Variants in CHIC2 observed in about 807,000 individuals in gnomAD.
CHIC2 encodes cysteine-rich hydrophobic domain-containing protein 2.
CHIC2 carries 14 observed loss-of-function variants against 25.9 expected under a neutral mutation model. The ratio of observed to expected loss-of-function variants is 0.54; its 90% CI spans 0.36 to 0.85. The LOEUF (loss-of-function observed/expected upper bound fraction) is 0.85, where lower values mean the gene tolerates loss of function less well. CHIC2 is among the 40% of genes least tolerant of loss of function. The pLI, the probability that CHIC2 is intolerant of heterozygous loss-of-function variation, is 0.01. For missense variants in CHIC2, 146 were observed against 202.0 expected, an observed-to-expected ratio of 0.72 and a Z score of 1.68; for synonymous variants, 70 against 72.0, an observed-to-expected ratio of 0.97 and a Z score of 0.14.
intron 3 of CHIC2, among the ~76,000 whole-genome samples, chr4:54,028,626 T>G (rs528090023): frequency 1.3e-5 from 2 of 152,372 alleles, no homozygotes; most frequent in East Asian, 3.9e-4. Flanking sequence ...AGAATGTATG[T>G]AATGTGCCTT....
the CHIC2 span, among the ~76,000 whole-genome samples, chr4:54,084,477 G>C: frequency 6.9e-6 from 1 of 145,592 alleles, no homozygotes; most frequent in African/African-American, 2.6e-5. Context: ...TAACTTGTCT[G>C]ATCTCAGAAA....
the CHIC2 span, among the ~76,000 whole-genome samples, chr4:54,072,022 C>G: frequency 1.3e-5 from 2 of 151,310 alleles, no homozygotes; most frequent in Non-Finnish European, 2.9e-5. Flanking sequence ...AGGCTGGGTG[C>G]GGTGGCTCAC....
In CHIC2 at chr4:54,064,484, A is replaced by T; in HGVS notation, c.-184T>A. The T allele has an allele frequency of 2.8e-6, 4 of 1,441,242 alleles. No homozygotes were observed. Among genetic ancestry groups the T allele is most frequent in the Non-Finnish European group, 3.6e-6 (4 of 1,105,646 alleles). The allele number at this position is 1,441,242 out of a possible 1,614,324, so 89.3% of individuals were successfully genotyped here. A position where few individuals can be genotyped will look rare whatever the true frequency, so the allele number is the denominator to read the frequency against. ...GGATGGGGTCTGGACCGTCGCCGCC[A>T]CCGCCGCCGCCATTACCATCAGCAA... is the stretch of plus-strand genomic sequence containing the variant. On this transcript the variant is annotated 5_prime_UTR_variant, in exon 1 of 6. Coordinates refer to ENST00000263921, the MANE Select transcript of CHIC2 (RefSeq NM_012110.4). The surrounding 1 kb of genome is among the most constrained non-coding windows in gnomAD (Gnocchi z 4.2).
At chr4:54,088,637 T>C in the CHIC2 span, among the ~76,000 whole-genome samples, 7 of 152,184 alleles carry the variant, frequency 4.6e-5, no homozygotes, top group Admixed American at 1.3e-4. Flanking sequence ...GGTGGCATCA[T>C]GGAGGGCCTT....
chr4:54,069,264 G>A (rs769543941), upstream of CHIC2, among the ~76,000 whole-genome samples: 4 of 152,126 alleles, frequency 2.6e-5, no homozygotes, highest in Non-Finnish European at 4.4e-5. Context: ...CTGGGCTCAA[G>A]TAATCTACCC....
At chr4:54,085,438 G>A in the CHIC2 span, among the ~76,000 whole-genome samples, 2 of 152,188 alleles carry the variant, frequency 1.3e-5, no homozygotes, top group Non-Finnish European at 2.9e-5. Context: ...TTCAGTCAAT[G>A]AGCTCATCAG....
chr4:54,066,954 A>G (rs555497321), upstream of CHIC2, among the ~76,000 whole-genome samples: 217 of 152,346 alleles, frequency 1.4e-3, no homozygotes, highest in African/African-American at 4.7e-3. Context: ...TATCTAAATC[A>G]TCACATAGCT....
chr4:54,022,978 C>T (rs2110065285), intron 3 of CHIC2, among the ~76,000 whole-genome samples: 1 of 152,248 alleles, frequency 6.6e-6, no homozygotes, highest in Admixed American at 6.5e-5. Context: ...GCCTAGCCAC[C>T]CTGTGGTGCC....
rs191104949 is a variant in CHIC2 at position 54,046,936 on chromosome 4, C to A, written c.330+2019G>T. On this transcript the variant is annotated intron_variant, in intron 3 of 5. Coordinates refer to ENST00000263921, the MANE Select transcript of CHIC2 (RefSeq NM_012110.4). ...GCTAATATCCAGAATCTACAATGAACTCAAACACATTTACAAGAAAAAGCA... is the reference window on the plus strand; with the variant it reads ...GCTAATATCCAGAATCTACAATGAAATCAAACACATTTACAAGAAAAAGCA... 1.2e-4 allele frequency among the ~76,000 whole-genome samples: 19 copies of A among 152,274 alleles called. No individual in the cohort carries two copies. The South Asian group carries it at 3.3e-3, about 27-fold the overall frequency.
At chr4:54,083,516 T>G in the CHIC2 span, among the ~76,000 whole-genome samples, 1 of 152,248 alleles carries the variant, frequency 6.6e-6, no homozygotes. Context: ...CCACTATATT[T>G]GTTAACACAA....
the CHIC2 span, among the ~76,000 whole-genome samples, chr4:54,082,225 G>A: frequency 2.0e-5 from 3 of 152,182 alleles, no homozygotes; most frequent in Non-Finnish European, 4.4e-5. Context: ...CTCTGGAGGT[G>A]GATAAGACAG....
the CHIC2 span, among the ~76,000 whole-genome samples, chr4:54,078,761 C>T: frequency 3.9e-5 from 6 of 151,914 alleles, no homozygotes; most frequent in Non-Finnish European, 8.8e-5. Flanking sequence ...GTGATCTGCC[C>T]ACCTTGGCCT....
the CHIC2 span, among the ~76,000 whole-genome samples, chr4:54,077,330 C>G: frequency 1.4e-4 from 21 of 152,132 alleles, no homozygotes. Context: ...TTCTCAGCAC[C>G]GTCAAAGCCT....
chr4:54,020,240 CAACGTGCTTTGT>C (rs1238709417), intron 3 of CHIC2, among the ~76,000 whole-genome samples: 12 of 152,274 alleles, frequency 7.9e-5, no homozygotes, highest in Non-Finnish European at 1.6e-4. Flanking sequence ...CTTAACTGAT[CAACGTGCTTTGT>C]AATCGCCCCC....
At chr4:54,067,459 C>T (rs1560402540), upstream of CHIC2, among the ~76,000 whole-genome samples, 1 of 152,056 alleles carries the variant, frequency 6.6e-6, no homozygotes, top group African/African-American at 2.4e-5. Context: ...TTCCAACCCT[C>T]CACCTCCGCC....
chr4:54,080,594 C>T, the CHIC2 span, among the ~76,000 whole-genome samples: 1 of 151,636 alleles, frequency 6.6e-6, no homozygotes, highest in South Asian at 2.1e-4. Flanking sequence ...GGTGAAACCC[C>T]ATCTCTACTA....
intron 3 of CHIC2, among the ~76,000 whole-genome samples, chr4:54,029,387 A>G (rs1353699143): frequency 6.6e-6 from 1 of 152,206 alleles, no homozygotes; most frequent in East Asian, 1.9e-4. Context: ...GACAAGAAAT[A>G]TAGGGTAATG....
At chr4:54,058,887 T>C (rs1717253810) in intron 1 of CHIC2, among the ~76,000 whole-genome samples, 1 of 152,262 alleles carries the variant, frequency 6.6e-6, no homozygotes, top group East Asian at 1.9e-4. Context: ...AATAATTACA[T>C]ATAATTTACT....
chr4:54,049,831 G>A (rs903391739), intron 1 of CHIC2, among the ~76,000 whole-genome samples: 10 of 152,166 alleles, frequency 6.6e-5, no homozygotes, highest in South Asian at 4.2e-4. Context: ...ACCAAGAACC[G>A]TCTTAGGTTC....
Sources: gnomAD v4.1 joint callset for allele counts (sites outside exome capture counted in the v4.1 genomes callset) on GRCh38, gnomAD v4.1.1 for gene constraint, Gnocchi (gnomAD v3.1) non-coding constraint, MANE v1.5 for transcripts, NCBI Gene and HGNC (gene_info 2026-07-23, HGNC 2026-07-21) for gene names.